The following RBM20 variants were observed in gnomAD, a reference collection of about 807,000 sequenced individuals.
RBM20 encodes the protein RNA binding motif protein 20.
A neutral mutation model predicts 110.1 loss-of-function variants in RBM20; 51 were observed. The ratio of observed to expected loss-of-function variants is 0.46; its 90% CI spans 0.37 to 0.59. The LOEUF (loss-of-function observed/expected upper bound fraction) is 0.59. Ranked by LOEUF, RBM20 falls within the 20% of genes least tolerant of loss-of-function variation. The pLI is 0.00. For synonymous variants in RBM20, 589 were observed against 618.2 expected (o/e 0.95, Z 0.70); for missense variants, 1,512 against 1,574.9 (o/e 0.96, Z 0.68).
intron 12 of RBM20, among the ~76,000 whole-genome samples, chr10:110,830,152 C>A (rs1381578693): frequency 6.6e-6 from 1 of 152,200 alleles, no homozygotes; most frequent in Non-Finnish European, 1.5e-5. Flanking sequence ...CTGGCCTGGA[C>A]CCTCTCAGAG....
At chr10:110,817,354 G>A (rs181107862) in intron 9 of RBM20, among the ~76,000 whole-genome samples, 2 of 152,312 alleles carry the variant, frequency 1.3e-5, no homozygotes, top group East Asian at 3.9e-4. Context: ...CCATCTAGAA[G>A]CCCCAGAGTG....
At chr10:110,833,836 G>T (rs1845089757) in intron 13 of RBM20, among the ~76,000 whole-genome samples, 1 of 152,200 alleles carries the variant, frequency 6.6e-6, no homozygotes, top group African/African-American at 2.4e-5. Context: ...CTGGGGAGCT[G>T]GGAGTTTCCA....
chr10:110,741,511 A>G (rs912848144), intron 1 of RBM20, among the ~76,000 whole-genome samples: 1 of 152,068 alleles, frequency 6.6e-6, no homozygotes, highest in Admixed American at 6.5e-5. Context: ...AGAGACCCAC[A>G]GGTCATCCTC....
At chr10:110,734,622 T>A (rs545017747) in intron 1 of RBM20, among the ~76,000 whole-genome samples, 19,819 of 149,240 alleles carry the variant, frequency 0.13, 1,600 homozygotes, top group East Asian at 0.24. Context: ...TTCCCTCTTT[T>A]TTTTTTTTTT....
intron 7 of RBM20, among the ~76,000 whole-genome samples, chr10:110,808,346 G>T (rs1844721616): frequency 6.6e-6 from 1 of 152,226 alleles, no homozygotes; most frequent in Non-Finnish European, 1.5e-5. Context: ...TCTGAACAAG[G>T]TCCAGTTTAA....
At chr10:110,735,498 T>C (rs1440234359) in intron 1 of RBM20, among the ~76,000 whole-genome samples, 1 of 152,332 alleles carries the variant, frequency 6.6e-6, no homozygotes, top group Non-Finnish European at 1.5e-5. Flanking sequence ...TTCCATTGTA[T>C]AAATTATTAT....
chr10:110,688,281 C>A (rs1441475023), intron 1 of RBM20, among the ~76,000 whole-genome samples: 1 of 152,086 alleles, frequency 6.6e-6, no homozygotes, highest in Non-Finnish European at 1.5e-5. Flanking sequence ...AGGCTGTTTG[C>A]AGTCTTTATT....
upstream of RBM20, among the ~76,000 whole-genome samples, chr10:110,643,641 T>C (rs959470261): frequency 1.3e-5 from 2 of 152,080 alleles, no homozygotes; most frequent in Admixed American, 6.5e-5. Flanking sequence ...GTCTTTTAAG[T>C]GAAGAGAAAA....
chr10:110,649,611 C>T (rs1274861994), intron 1 of RBM20, among the ~76,000 whole-genome samples: 1 of 152,144 alleles, frequency 6.6e-6, no homozygotes, highest in Non-Finnish European at 1.5e-5. Flanking sequence ...ATTTTTATTT[C>T]CTGCCACAGT....
At chr10:110,818,943 C>G (rs905886222) in intron 9 of RBM20, among the ~76,000 whole-genome samples, 5 of 152,238 alleles carry the variant, frequency 3.3e-5, no homozygotes, top group Non-Finnish European at 7.3e-5. Flanking sequence ...ACAGCAAACA[C>G]TGGAAACAAA....
At chr10:110,717,376 A>G (rs1863035025) in intron 1 of RBM20, among the ~76,000 whole-genome samples, 1 of 151,976 alleles carries the variant, frequency 6.6e-6, no homozygotes, top group Non-Finnish European at 1.5e-5. Context: ...GAAAAATTCC[A>G]TCTGTGCAAA....
At chr10:110,819,771 C>T (rs972407635) in intron 9 of RBM20, among the ~76,000 whole-genome samples, 2 of 152,158 alleles carry the variant, frequency 1.3e-5, no homozygotes, top group African/African-American at 4.8e-5. Flanking sequence ...GCAAAAAATA[C>T]CCAGTTTGCC....
intron 1 of RBM20, among the ~76,000 whole-genome samples, chr10:110,766,936 C>A (rs866324243): frequency 6.5e-5 from 7 of 107,660 alleles, no homozygotes; most frequent in Non-Finnish European, 1.2e-4. Context: ...CCGGACGGGG[C>A]GGCTGGCCGG....
chr10:110,757,088 G>A (rs192243164), intron 1 of RBM20, among the ~76,000 whole-genome samples: 2 of 152,224 alleles, frequency 1.3e-5, no homozygotes, highest in East Asian at 3.9e-4. Flanking sequence ...GCAAGCTATT[G>A]GGCTGTTAGC....
intron 5 of RBM20, among the ~76,000 whole-genome samples, chr10:110,789,415 G>GTTT (rs5787873): frequency 6.7e-6 from 1 of 148,692 alleles, no homozygotes. Context: ...TTTTGTTTAG[G>GTTT]TTTTTTTTTT....
At chr10:110,835,296 A>ACTTTCTACT (rs1048790097) in intron 13 of RBM20, 1 of 150,812 alleles carries the variant, frequency 6.6e-6, no homozygotes, top group Non-Finnish European at 1.5e-5. Context: ...TTATAGCTGT[A>ACTTTCTACT]CTTTCTACTC....
intron 1 of RBM20, among the ~76,000 whole-genome samples, chr10:110,708,801 G>A (rs1029757390): frequency 4.6e-5 from 7 of 152,188 alleles, no homozygotes; most frequent in African/African-American, 1.7e-4. Flanking sequence ...GGGGCATTGA[G>A]GATCCTGGGG....
At chr10:110,665,995 A>AAGAGAGAG (rs56329688) in intron 1 of RBM20, among the ~76,000 whole-genome samples, 57,556 of 144,772 alleles carry the variant, frequency 0.4, 12,131 homozygotes, top group East Asian at 0.66. Context: ...CAAAGAAAGA[A>AAGAGAGAG]AGAGAGAGAG....
chr10:110,808,970 T>G (rs1844728885), intron 7 of RBM20, among the ~76,000 whole-genome samples: 1 of 152,088 alleles, frequency 6.6e-6, no homozygotes, highest in Non-Finnish European at 1.5e-5. Flanking sequence ...ATCCCTGCAC[T>G]TTGAGAGGCC....
Sources: gnomAD v4.1 joint callset for allele counts (sites outside exome capture counted in the v4.1 genomes callset) on GRCh38, gnomAD v4.1.1 for gene constraint, MANE v1.5 for transcripts, NCBI Gene and HGNC (gene_info 2026-07-23, HGNC 2026-07-21) for gene names.